The following HDX variants were observed in gnomAD, a reference collection of about 807,000 sequenced individuals.
HDX encodes highly divergent homeobox.
HDX carries 19 observed loss-of-function variants against 45.2 expected under a neutral mutation model. The observed-to-expected ratio is 0.42, with a 90% confidence interval of 0.29 to 0.62. The LOEUF (loss-of-function observed/expected upper bound fraction) is 0.62, where lower values mean the gene tolerates loss of function less well. Ranked by LOEUF, HDX falls within the 20% of genes least tolerant of loss-of-function variation. HDX has a pLI of 0.20. For synonymous variants in HDX, 188 were observed against 172.8 expected (o/e 1.09, Z -0.69); for missense variants, 532 against 493.9 (o/e 1.08, Z -0.73).
chrX:84,394,134 C>G (rs1602373140), intron 5 of HDX, among the ~76,000 whole-genome samples: 2 of 110,921 alleles, frequency 1.8e-5, no homozygotes. Flanking sequence ...GTGCTTATTG[C>G]TATAAACTTC....
chrX:84,409,289 T>C (rs764027702), intron 5 of HDX, among the ~76,000 whole-genome samples: 1 of 111,270 alleles, frequency 9.0e-6, no homozygotes, highest in South Asian at 3.8e-4. Flanking sequence ...TGTAAACTAG[T>C]TCAACCATTG....
chrX:84,448,967 G>A (rs1382950411), intron 4 of HDX, among the ~76,000 whole-genome samples: 1 of 108,437 alleles, frequency 9.2e-6, no homozygotes, highest in African/African-American at 3.3e-5. Context: ...AAGAAATTCT[G>A]GAAAAATTCA....
Position 84,389,277 on chromosome X carries a change from C to T in HDX, c.1306-27665G>A, listed in dbSNP as rs775759896. Among the ~76,000 whole-genome samples the T allele has an allele frequency of 8.0e-5, 9 of 111,947 alleles. No homozygotes were observed. In the South Asian group the frequency reaches 2.2e-3, roughly 28 times the overall value. On this transcript the variant is annotated intron_variant, in intron 5 of 10. Coordinates refer to ENST00000373177, the MANE Select transcript of HDX (RefSeq NM_001177479.2). The stretch of plus-strand genomic sequence containing the variant: ...GAGCTCCCTTCAATCACCACTGCCA[C>T]GCCTGGCTTTCTTTTGTTAGATATT...
chrX:84,484,824 T>C (rs1362710029), intron 2 of HDX, among the ~76,000 whole-genome samples: 1 of 111,958 alleles, frequency 8.9e-6, no homozygotes, highest in African/African-American at 3.2e-5. Flanking sequence ...TTTGGCTTTG[T>C]TTGGATTTAA....
At chrX:84,396,069 T>A (rs2038554845) in intron 5 of HDX, among the ~76,000 whole-genome samples, 2 of 112,277 alleles carry the variant, frequency 1.8e-5, no homozygotes, top group Non-Finnish European at 3.8e-5. Context: ...TTATTTTTGA[T>A]TTGGATCTAT....
intron 5 of HDX, among the ~76,000 whole-genome samples, chrX:84,380,207 G>A (rs1283137963): frequency 1.9e-5 from 2 of 106,692 alleles, no homozygotes; most frequent in African/African-American, 6.7e-5. Context: ...AACAAGTAAC[G>A]GGATCAAAGC....
intron 5 of HDX, among the ~76,000 whole-genome samples, chrX:84,371,661 C>G (rs2147875872): frequency 8.9e-6 from 1 of 111,970 alleles, no homozygotes; most frequent in Admixed American, 9.5e-5. Flanking sequence ...ACTCACATGA[C>G]AGCTAGCATG....
chrX:84,396,417 T>A (rs1482224842), intron 5 of HDX, among the ~76,000 whole-genome samples: 1 of 112,214 alleles, frequency 8.9e-6, no homozygotes, highest in Non-Finnish European at 1.9e-5. Context: ...TGGACCCCAG[T>A]GGTGGCATTG....
chrX:84,408,873 T>C (rs2038908369), intron 5 of HDX, among the ~76,000 whole-genome samples: 1 of 110,330 alleles, frequency 9.1e-6, no homozygotes, highest in Non-Finnish European at 1.9e-5. Flanking sequence ...TTGTATGTTA[T>C]AGGTATATAG....
intron 5 of HDX, among the ~76,000 whole-genome samples, chrX:84,382,208 A>C (rs937046241): frequency 1.8e-5 from 2 of 111,526 alleles, no homozygotes; most frequent in Non-Finnish European, 1.9e-5. Flanking sequence ...AATTCTGGCG[A>C]GGATGTGGAA....
At chrX:84,387,324 C>T (rs1363508039) in intron 5 of HDX, among the ~76,000 whole-genome samples, 2 of 111,577 alleles carry the variant, frequency 1.8e-5, no homozygotes, top group African/African-American at 3.3e-5. Context: ...GGTTGCTGGA[C>T]GGAGTGACTT....
At chrX:84,490,898 A>T (rs2040881367) in intron 1 of HDX, among the ~76,000 whole-genome samples, 1 of 110,634 alleles carries the variant, frequency 9.0e-6, no homozygotes, top group Non-Finnish European at 1.9e-5. Flanking sequence ...TCCGTGAGAT[A>T]TATCCTACCA....
At chrX:84,345,472 G>A (rs758240208) in intron 6 of HDX, among the ~76,000 whole-genome samples, 8 of 111,347 alleles carry the variant, frequency 7.2e-5, no homozygotes, top group Admixed American at 6.7e-4. Context: ...GAGCCCATTC[G>A]TTTTTATTGC....
intron 4 of HDX, among the ~76,000 whole-genome samples, chrX:84,463,807 T>C (rs2040288719): frequency 9.0e-6 from 1 of 110,771 alleles, no homozygotes; most frequent in African/African-American, 3.3e-5. Context: ...TGGAGAGTTT[T>C]TGAAATGGAA....
intron 4 of HDX, among the ~76,000 whole-genome samples, chrX:84,462,638 A>G (rs925431047): frequency 9.0e-6 from 1 of 111,529 alleles, no homozygotes; most frequent in African/African-American, 3.3e-5. Flanking sequence ...AGAAGTAGTC[A>G]GAACATTCAT....
At chrX:84,334,949 C>T (rs1283758859) in intron 8 of HDX, among the ~76,000 whole-genome samples, 6 of 110,442 alleles carry the variant, frequency 5.4e-5, no homozygotes, top group Non-Finnish European at 1.1e-4. Context: ...CATATATGAA[C>T]ACACATACAT....
At chrX:84,331,549 G>A (rs748145994) in intron 9 of HDX, among the ~76,000 whole-genome samples, 9 of 111,319 alleles carry the variant, frequency 8.1e-5, no homozygotes, top group Non-Finnish European at 1.5e-4. Context: ...TAACACATAG[G>A]TGAATAAAAT....
intron 5 of HDX, among the ~76,000 whole-genome samples, chrX:84,436,437 T>G (rs2039637742): frequency 8.9e-6 from 1 of 112,037 alleles, no homozygotes. Context: ...TTGATTTTTT[T>G]TCTAGTTTTT....
At chrX:84,432,681 T>G (rs2039531642) in intron 5 of HDX, among the ~76,000 whole-genome samples, 1 of 111,794 alleles carries the variant, frequency 8.9e-6, no homozygotes, top group South Asian at 3.7e-4. Flanking sequence ...TTTTGTATCT[T>G]GTATTCTGCT....
Sources: gnomAD v4.1 joint callset for allele counts (sites outside exome capture counted in the v4.1 genomes callset) on GRCh38, gnomAD v4.1.1 for gene constraint, MANE v1.5 for transcripts, NCBI Gene and HGNC (gene_info 2026-07-23, HGNC 2026-07-21) for gene names.